The following HOOK2 variants were observed in gnomAD, a reference collection of about 807,000 sequenced individuals.
HOOK2 encodes the protein protein Hook homolog 2.
In HOOK2, 108 loss-of-function variants were observed where a neutral mutation model predicts 111.9. The observed-to-expected ratio is 0.96, with a 90% CI of 0.83 to 1.13. HOOK2 has a LOEUF of 1.13. HOOK2 is among the 50% of genes most tolerant of loss of function. HOOK2 has a pLI of 0.00. For synonymous variants in HOOK2, 405 were observed against 394.3 expected, an observed-to-expected ratio of 1.03 and a Z score of -0.32; for missense variants, 978 against 951.3, an observed-to-expected ratio of 1.03 and a Z score of -0.37.
In HOOK2 at chr19:12,768,111, G is replaced by A. The variant is rs1214049263; in HGVS notation, c.1117C>T (p.Gln373Ter). 3 of 1,614,046 alleles carry A rather than the reference G, an allele frequency of 1.9e-6. No homozygotes were observed. Among genetic ancestry groups the A allele is most frequent in the East Asian group, 2.2e-5 (1 of 44,892 alleles). ...EAQRRQVQEL[Q>*]GQRQEEAMKA... ...ATGGCCTCCTCCTGCCGCTGGCCCT[G>A]CAGTTCCTGCACCTGAACACAGAGA... is the stretch of plus-strand genomic sequence containing the variant. The change falls in exon 12 of 23, where the codon CAG (glutamine) becomes TAG (stop). Residue 373 changes from glutamine to a stop codon, truncating the protein, a stop_gained. Coordinates refer to ENST00000397668, the MANE Select transcript of HOOK2 (RefSeq NM_013312.3). LOFTEE classifies it high-confidence loss of function.
chr19:12,777,280 C>G (rs1198491174), upstream of HOOK2, among the ~76,000 whole-genome samples: 3 of 151,964 alleles, frequency 2.0e-5, no homozygotes, highest in African/African-American at 7.3e-5. Flanking sequence ...TCGAGAACAG[C>G]CCTGGCAACA....
intron 14 of HOOK2, 80 bp downstream of exon 14, chr19:12,767,315 G>A: frequency 4.1e-6 from 5 of 1,219,380 alleles, no homozygotes; most frequent in Non-Finnish European, 6.0e-6. Flanking sequence ...GCTAGCAGAA[G>A]ATGGGAGGGC....
At chr19:12,785,628 A>C (rs1298140488) in intron 3 of HOOK2, among the ~76,000 whole-genome samples, 3 of 152,162 alleles carry the variant, frequency 2.0e-5, no homozygotes, top group Admixed American at 2.0e-4. Flanking sequence ...CCCTACATAG[A>C]CCTTTGCATC....
intron 3 of HOOK2, among the ~76,000 whole-genome samples, chr19:12,787,581 G>GAT (rs574212113): frequency 2.2e-4 from 34 of 151,546 alleles, no homozygotes; most frequent in South Asian, 1.7e-3. Flanking sequence ...GTAGTGAGCT[G>GAT]ATATTGTGCC....
chr19:12,781,691 C>T (rs1170246585), upstream of HOOK2, among the ~76,000 whole-genome samples: 2 of 152,100 alleles, frequency 1.3e-5, no homozygotes, highest in African/African-American at 4.8e-5. Context: ...CCATTTCGTG[C>T]CCCCTATTTG....
chr19:12,764,099 T>C (rs1237119456), intron 20 of HOOK2, among the ~76,000 whole-genome samples: 1 of 152,088 alleles, frequency 6.6e-6, no homozygotes, highest in East Asian at 1.9e-4. Flanking sequence ...ACTGCAACTT[T>C]TGCCTCCCGG....
Position 12,790,116 on chromosome 19 carries a change from C to T in HOOK2, n.42-15891G>A, listed in dbSNP as rs1317952824. ...GCCTGCCTCCGCGGTCCCCTGCAGG[C>T]ACCGCGGGCGGAACCATTGCTTGAG... On this transcript the variant is annotated intron_variant and non_coding_transcript_variant, in intron 3 of 3. Transcript: ENST00000589765. The surrounding 1 kb of genome is among the most constrained non-coding windows in gnomAD (Gnocchi z 7.2). 6.6e-6 allele frequency among the ~76,000 whole-genome samples: 1 copy of T among 152,114 alleles called. No homozygotes were observed. The highest frequency in any genetic ancestry group is 1.9e-4 in the East Asian group (1 of 5,186).
In HOOK2 at chr19:12,763,784, G is replaced by T; in HGVS notation, c.1828-6C>A. The T allele has an allele frequency of 6.2e-7, 1 of 1,611,928 alleles. No individual in the cohort carries two copies. The highest frequency in any genetic ancestry group is 8.5e-7 in the Non-Finnish European group (1 of 1,178,126). On this transcript the variant is annotated splice_region_variant and splice_polypyrimidine_tract_variant and intron_variant, in intron 20 of 22. Transcript: ENST00000397668. ...GGTTCCATGGTCTGCATGACCTACA[G>T]GTTGAGGAAGTCATAGCCAGGTGAC...
Position 12,763,704 on chromosome 19 carries a change from C to T in HOOK2, c.1902G>A (p.Gln634=), listed in dbSNP as rs200959927. 6.2e-7 allele frequency: 1 copy of T among 1,614,230 alleles called. No homozygotes were observed. The highest frequency in any genetic ancestry group is 8.5e-7 in the Non-Finnish European group (1 of 1,180,034). ...GGATGCGGACATCCCGTTCTCGGAGCTGTGTCCTCAGGGAATGGAGTTCTG... is the reference window on the plus strand; with the variant it reads ...GGATGCGGACATCCCGTTCTCGGAGTTGTGTCCTCAGGGAATGGAGTTCTG... The part of the protein sequence containing the change: ...APPELHSLRT[Q]LRERDVRIRH... The change falls in exon 21 of 23, where the codon CAG becomes CAA. Residue 634 remains glutamine (Q), a synonymous_variant. Coordinates refer to ENST00000397668, the MANE Select transcript of HOOK2 (RefSeq NM_013312.3).
rs1968702936 is a variant in HOOK2 at position 12,790,592 on chromosome 19, T to A, written n.42-16367A>T. Among the ~76,000 whole-genome samples the A allele has an allele frequency of 6.6e-6, 1 of 152,124 alleles. No homozygotes were observed. The highest frequency in any genetic ancestry group is 1.5e-5 in the Non-Finnish European group (1 of 68,014). On this transcript the variant is annotated intron_variant and non_coding_transcript_variant, in intron 3 of 3. Coordinates refer to the HOOK2 transcript ENST00000589765. The surrounding 1 kb of genome is among the most constrained non-coding windows in gnomAD (Gnocchi z 7.2). The stretch of plus-strand genomic sequence containing the variant: ...GGACCCTCAAGGCCCCCTCCTCACA[T>A]GTCAACTGAGTACCCTCTTATTGTC...
In HOOK2 at chr19:12,786,216, A is replaced by T. The variant is rs1157335769; in HGVS notation, n.42-11991T>A. Among the ~76,000 whole-genome samples the T allele has an allele frequency of 6.6e-6, 1 of 151,916 alleles. No individual in the cohort carries two copies. Among genetic ancestry groups the T allele is most frequent in the Non-Finnish European group, 1.5e-5 (1 of 67,936 alleles). On this transcript the variant is annotated intron_variant and non_coding_transcript_variant, in intron 3 of 3. Coordinates refer to the HOOK2 transcript ENST00000589765. This position sits in a 1 kb window ranked among gnomAD's most constrained non-coding sequence, Gnocchi z 4.3. ...GGCTCCTGCCGGGCCTCAGATCCAC[A>T]CCCAGGGGCAGGGACACGGGAGGGA...
intron 11 of HOOK2, among the ~76,000 whole-genome samples, chr19:12,769,402 C>T (rs1453206490): frequency 6.6e-6 from 1 of 152,130 alleles, no homozygotes. Flanking sequence ...GCTGGGATTA[C>T]AGGCGCGAGC....
At position 12,772,978 on chromosome 19, in the gene HOOK2, CT is replaced by C; in HGVS notation, c.255+15del. 1 of 1,614,206 alleles carries C rather than the reference CT, an allele frequency of 6.2e-7. No individual in the cohort carries two copies. ...TCTCCCAACTCAACCCCCTGAATCCCTTTACAGTTACTCACATCCTGGGAGT... is the reference window on the plus strand; with the variant it reads ...TCTCCCAACTCAACCCCCTGAATCCCTTACAGTTACTCACATCCTGGGAGT... On this transcript the variant is annotated intron_variant, in intron 4 of 22. Transcript: ENST00000397668.
At chr19:12,785,296 TCACACACACA>T (rs112239571) in intron 3 of HOOK2, among the ~76,000 whole-genome samples, 2 of 143,770 alleles carry the variant, frequency 1.4e-5, no homozygotes, top group Admixed American at 1.4e-4. Flanking sequence ...GACCTCTTTT[TCACACACACA>T]CACACACACC....
chr19:12,767,881 G>A lies in HOOK2; in HGVS notation c.1238C>T (p.Ser413Phe), dbSNP rs765063178. The change falls in exon 13 of 23, where the codon TCC becomes TTC. Residue 413 changes from serine (S) to phenylalanine (F), a missense_variant. Physicochemically the swap from Ser to Phe is radical, Grantham distance 155. This residue lies in a region of HOOK2 where 388 missense variants were observed against 358.3 expected (regional missense o/e 1.08). Transcript: ENST00000397668. ...CAGCTCCTCATTGGCCTCCCGCAAG[G>A]AGTCCCGCTCCGCCAACAGCCGCTG... is the stretch of plus-strand genomic sequence containing the variant. Reference protein sequence around the residue: ...EKERLLAERDSLREANEELRC... With the variant: ...EKERLLAERDFLREANEELRC... 1.8e-5 allele frequency: 29 copies of A among 1,609,376 alleles called. No individual in the cohort carries two copies. Among genetic ancestry groups the A allele is most frequent in the Admixed American group, 5.0e-5 (3 of 59,990 alleles).
At chr19:12,792,230 AC>A in intron 3 of HOOK2, 3 of 1,529,622 alleles carry the variant, frequency 2.0e-6, no homozygotes, top group Non-Finnish European at 2.6e-6. Context: ...ACCACGTGAC[AC>A]CCCCCAACGT....
upstream of HOOK2, among the ~76,000 whole-genome samples, chr19:12,781,810 G>C: frequency 6.6e-6 from 1 of 151,446 alleles, no homozygotes; most frequent in South Asian, 2.1e-4. Flanking sequence ...AACAAGCCCT[G>C]GTGTGCAAAA....
chr19:12,772,264 G>A lies in HOOK2; in HGVS notation c.457-12C>T. The stretch of plus-strand genomic sequence containing the variant: ...TCTTTGGTCATGAGCTGAGGAGTGG[G>A]AAGGGGCATTGTAATGAACTGGATA... On this transcript the variant is annotated splice_polypyrimidine_tract_variant and intron_variant, in intron 6 of 22. Transcript: ENST00000397668. 1.2e-6 allele frequency: 2 copies of A among 1,613,644 alleles called. No homozygotes were observed. Among genetic ancestry groups the A allele is most frequent in the Non-Finnish European group, 1.7e-6 (2 of 1,179,564 alleles).
intron 3 of HOOK2, chr19:12,792,077 G>A (rs1177344919): frequency 3.1e-6 from 5 of 1,606,062 alleles, no homozygotes; most frequent in East Asian, 2.2e-5. Flanking sequence ...TCACGACGAC[G>A]CCTACACCCC....
Sources: allele counts gnomAD v4.1 joint callset (sites outside exome capture counted in the v4.1 genomes callset), GRCh38; gene constraint gnomAD v4.1.1; regional missense constraint gnomAD v4.1.1; non-coding constraint Gnocchi (gnomAD v3.1); transcripts MANE v1.5; gene names NCBI Gene and HGNC (gene_info 2026-07-23, HGNC 2026-07-21).